BCAR3: variants seen among roughly 807,000 people sequenced by gnomAD.
BCAR3 encodes the protein BCAR3 adaptor protein, NSP family member.
A neutral mutation model predicts 80.1 loss-of-function variants in BCAR3; 37 were observed. That is an observed-to-expected ratio of 0.46 (90% CI 0.36 to 0.61). The LOEUF is 0.61. BCAR3 is among the 20% of genes least tolerant of loss of function. The pLI is 0.00. For missense variants in BCAR3, 978 were observed against 1,068.2 expected (o/e 0.92, Z 1.18); for synonymous variants, 389 against 418.9 (o/e 0.93, Z 0.87).
upstream of BCAR3, among the ~76,000 whole-genome samples, chr1:93,683,301 C>A (rs1022884116): frequency 6.6e-6 from 1 of 152,160 alleles, no homozygotes; most frequent in African/African-American, 2.4e-5. Flanking sequence ...TGTGATCTAA[C>A]TTCATACCAC....
chr1:93,581,599 G>A (rs969732183), intron 7 of BCAR3, among the ~76,000 whole-genome samples: 2 of 151,978 alleles, frequency 1.3e-5, no homozygotes, highest in Admixed American at 6.6e-5. Flanking sequence ...TAGTAGAGAC[G>A]GGGTTTCTCC....
chr1:93,784,171 A>G (rs1321830774), intron 2 of BCAR3, among the ~76,000 whole-genome samples: 1 of 151,716 alleles, frequency 6.6e-6, no homozygotes, highest in Non-Finnish European at 1.5e-5. Context: ...TTCCCTACAG[A>G]ATCCTGCCCA....
chr1:93,720,835 A>ACTTGTGGG (rs1650368773), intron 2 of BCAR3, among the ~76,000 whole-genome samples: 1 of 151,678 alleles, frequency 6.6e-6, no homozygotes, highest in Non-Finnish European at 1.5e-5. Context: ...TCTTTTTCTC[A>ACTTGTGGG]CTTGTGGGGA....
At chr1:93,752,323 C>A (rs543356930) in intron 2 of BCAR3, among the ~76,000 whole-genome samples, 1 of 152,200 alleles carries the variant, frequency 6.6e-6, no homozygotes, top group African/African-American at 2.4e-5. Flanking sequence ...GGCCCCAGAG[C>A]TCATGGGTAG....
At chr1:93,831,528 G>C (rs1654564521) in intron 2 of BCAR3, among the ~76,000 whole-genome samples, 1 of 152,164 alleles carries the variant, frequency 6.6e-6, no homozygotes, top group South Asian at 2.1e-4. Flanking sequence ...TGAGGTGCCT[G>C]ATGTCCAGGC....
intron 3 of BCAR3, among the ~76,000 whole-genome samples, chr1:93,635,402 T>C (rs992969192): frequency 6.6e-6 from 1 of 152,222 alleles, no homozygotes; most frequent in South Asian, 2.1e-4. Context: ...TGTGTTTTCA[T>C]AAGGTTTTAC....
At chr1:93,625,610 A>C (rs939511776) in intron 3 of BCAR3, among the ~76,000 whole-genome samples, 2 of 152,252 alleles carry the variant, frequency 1.3e-5, no homozygotes, top group Non-Finnish European at 2.9e-5. Context: ...CCACAGGCTA[A>C]TAAATATGTG....
chr1:93,790,634 A>ATTCTAT (rs1234204229), intron 2 of BCAR3, among the ~76,000 whole-genome samples: 1 of 107,426 alleles, frequency 9.3e-6, no homozygotes, highest in Non-Finnish European at 1.8e-5. Context: ...TTTTGTATTC[A>ATTCTAT]TTTTTTTTTT....
chr1:93,591,460 G>A (rs1028321832), intron 4 of BCAR3, among the ~76,000 whole-genome samples: 3 of 152,044 alleles, frequency 2.0e-5, no homozygotes, highest in African/African-American at 7.2e-5. Flanking sequence ...GGGTGATAGA[G>A]TAAGACTCTG....
chr1:93,758,258 G>A (rs1248759595), intron 2 of BCAR3, among the ~76,000 whole-genome samples: 1 of 152,190 alleles, frequency 6.6e-6, no homozygotes, highest in African/African-American at 2.4e-5. Flanking sequence ...TGCGGCCTCT[G>A]GTCTGCACTG....
chr1:93,712,804 G>T (rs1160178720), intron 2 of BCAR3, among the ~76,000 whole-genome samples: 4 of 152,136 alleles, frequency 2.6e-5, no homozygotes, highest in Non-Finnish European at 5.9e-5. Context: ...CCGCACACTT[G>T]GTTAGAATCA....
intron 1 of BCAR3, among the ~76,000 whole-genome samples, chr1:93,675,945 A>AAAAAAAAAAAAAAAAAAAAAAAAAAAC (rs1648465074): frequency 6.8e-6 from 1 of 145,992 alleles, no homozygotes; most frequent in African/African-American, 2.7e-5. Context: ...AAAAAAAAAA[A>AAAAAAAAAAAAAAAAAAAAAAAAAAAC]AAAAAGGCTG....
chr1:93,809,775 T>TA (rs59236584), intron 2 of BCAR3, among the ~76,000 whole-genome samples: 10,689 of 55,530 alleles, frequency 0.19, 520 homozygotes, highest in African/African-American at 0.28. Flanking sequence ...CTCAAAAAGA[T>TA]AAAAAAAAAA....
At chr1:93,583,566 C>A (rs1252504097) in intron 6 of BCAR3, among the ~76,000 whole-genome samples, 1 of 152,122 alleles carries the variant, frequency 6.6e-6, no homozygotes, top group Non-Finnish European at 1.5e-5. Flanking sequence ...CTCTTCCAGC[C>A]TTGGAAGCAG....
At chr1:93,632,591 A>G (rs912884315) in intron 3 of BCAR3, among the ~76,000 whole-genome samples, 4 of 152,224 alleles carry the variant, frequency 2.6e-5, no homozygotes, top group Admixed American at 6.5e-5. Flanking sequence ...ATTGGGATGT[A>G]GCCCCATCGT....
At chr1:93,810,521 C>G (rs1383682313) in intron 2 of BCAR3, among the ~76,000 whole-genome samples, 1 of 152,164 alleles carries the variant, frequency 6.6e-6, no homozygotes, top group Non-Finnish European at 1.5e-5. Flanking sequence ...CCCTAGGACA[C>G]TTTCATGGCT....
chr1:93,794,157 G>T (rs2100778179), intron 2 of BCAR3, among the ~76,000 whole-genome samples: 1 of 65,456 alleles, frequency 1.5e-5, no homozygotes, highest in East Asian at 5.8e-4. Context: ...GAGTTCTGTA[G>T]ATGTCTATTA....
At chr1:93,736,553 C>G (rs1650978633) in intron 2 of BCAR3, among the ~76,000 whole-genome samples, 1 of 152,206 alleles carries the variant, frequency 6.6e-6, no homozygotes, top group African/African-American at 2.4e-5. Flanking sequence ...TAGGTGCCCT[C>G]AAACTGTTCA....
chr1:93,732,952 A>G (rs1051814994), intron 2 of BCAR3, among the ~76,000 whole-genome samples: 1 of 152,240 alleles, frequency 6.6e-6, no homozygotes, highest in African/African-American at 2.4e-5. Context: ...CAATAACTAC[A>G]GAAGGAGAAG....
Sources: gnomAD v4.1 joint callset for allele counts (sites outside exome capture counted in the v4.1 genomes callset) on GRCh38, gnomAD v4.1.1 for gene constraint, MANE v1.5 for transcripts, NCBI Gene and HGNC (gene_info 2026-07-23, HGNC 2026-07-21) for gene names.